Variants in ANKIB1 observed in about 807,000 individuals in gnomAD.
ANKIB1 encodes the protein ankyrin repeat and IBR domain containing 1, also known as ankyrin repeat and IBR domain-containing protein 1.
A neutral mutation model predicts 122.1 loss-of-function variants in ANKIB1; 43 were observed. That is an observed-to-expected ratio of 0.35 (90% CI 0.28 to 0.45). The LOEUF is 0.45. Among genes scored for constraint, ANKIB1 ranks in the 20% least tolerant of loss-of-function variants. ANKIB1 has a pLI of 1.00. For missense variants in ANKIB1, 992 were observed against 1,329.5 expected (o/e 0.75, Z 3.95); for synonymous variants, 390 against 442.0 (o/e 0.88, Z 1.48).
chr7:92,388,365 T>A (rs1345767686), intron 14 of ANKIB1, among the ~76,000 whole-genome samples: 1 of 152,222 alleles, frequency 6.6e-6, no homozygotes, highest in Non-Finnish European at 1.5e-5. Flanking sequence ...CATCACTGAC[T>A]TAGTCAGAGG....
At chr7:92,368,954 T>G (rs1381555590) in intron 10 of ANKIB1, among the ~76,000 whole-genome samples, 1 of 152,238 alleles carries the variant, frequency 6.6e-6, no homozygotes, top group East Asian at 1.9e-4. Context: ...TTTGTTTTAA[T>G]GGCTTTGTGC....
chr7:92,349,268 G>A (rs1489561357), intron 7 of ANKIB1, among the ~76,000 whole-genome samples: 4 of 152,280 alleles, frequency 2.6e-5, no homozygotes, highest in Non-Finnish European at 5.9e-5. Context: ...AGAAAGGAAA[G>A]AATGCTAAAG....
intron 10 of ANKIB1, among the ~76,000 whole-genome samples, chr7:92,369,441 T>C (rs1804181896): frequency 1.3e-5 from 2 of 152,206 alleles, no homozygotes; most frequent in Non-Finnish European, 1.5e-5. Context: ...TCTACTTCTG[T>C]GCTGCTAGGC....
intron 11 of ANKIB1, among the ~76,000 whole-genome samples, chr7:92,384,828 A>G (rs1482964577): frequency 1.3e-5 from 2 of 152,240 alleles, no homozygotes; most frequent in African/African-American, 4.8e-5. Context: ...AGGCATGGAC[A>G]AGGACTTCAT....
intron 1 of ANKIB1, among the ~76,000 whole-genome samples, chr7:92,272,977 T>C (rs1254452262): frequency 6.6e-6 from 1 of 152,086 alleles, no homozygotes; most frequent in African/African-American, 2.4e-5. Flanking sequence ...TTGAAACATA[T>C]CAAAACATAG....
At chr7:92,388,081 A>G (rs916242410) in intron 14 of ANKIB1, 40 bp downstream of exon 14, 17 of 1,505,066 alleles carry the variant, frequency 1.1e-5, no homozygotes, top group Non-Finnish European at 1.5e-5. Context: ...AATATAAAAT[A>G]TCTTTCCATG....
chr7:92,307,807 T>C (rs1413793993), intron 3 of ANKIB1, among the ~76,000 whole-genome samples, 151 bp downstream of exon 3: 31 of 120,628 alleles, frequency 2.6e-4, no homozygotes, highest in African/African-American at 9.9e-4. Flanking sequence ...ATAAAGGGCC[T>C]CTTTTTTTTT....
At chr7:92,384,093 T>C (rs1804580363) in intron 11 of ANKIB1, among the ~76,000 whole-genome samples, 1 of 152,022 alleles carries the variant, frequency 6.6e-6, no homozygotes. Context: ...TAAACACCAA[T>C]AACAGACAAA....
At chr7:92,295,244 A>C in intron 2 of ANKIB1, 78 bp downstream of exon 2, 1 of 1,123,440 alleles carries the variant, frequency 8.9e-7, no homozygotes, top group East Asian at 2.7e-5. Context: ...AAAAAAAGGA[A>C]CTATGATTTT....
chr7:92,369,972 C>T (rs1213129810), intron 10 of ANKIB1, among the ~76,000 whole-genome samples: 3 of 152,060 alleles, frequency 2.0e-5, no homozygotes, highest in Admixed American at 1.3e-4. Flanking sequence ...GATTGCAGAT[C>T]TCAAATTATA....
chr7:92,319,479 A>G lies in ANKIB1; in HGVS notation c.636A>G (p.Ile212Met). The G allele has an allele frequency of 6.2e-7, 1 of 1,612,622 alleles. No homozygotes were observed. The highest frequency in any genetic ancestry group is 8.5e-7 in the Non-Finnish European group (1 of 1,179,482). ...CACGGGATCCCGAGGCTGAAGAAAT[A>G]GAAGCTGAATATGCTGCATTAGACA... is the stretch of plus-strand genomic sequence containing the variant. ...VFSRDPEAEE[I>M]EAEYAALDKR... Residue 212 changes from isoleucine (I) to methionine (M), a missense_variant, in exon 4 of 20, where the codon ATA (isoleucine) becomes ATG (methionine). Around this residue, in one of 4 missense-constraint regions of ANKIB1, gnomAD observed 521 missense variants for 777.7 expected, o/e 0.67. Transcript: ENST00000265742.
intron 9 of ANKIB1, among the ~76,000 whole-genome samples, chr7:92,354,318 G>A (rs1040713006): frequency 6.6e-6 from 1 of 152,098 alleles, no homozygotes; most frequent in Non-Finnish European, 1.5e-5. Context: ...TTATACTCAA[G>A]ATGCATTGGA....
At position 92,343,192 on chromosome 7, in the gene ANKIB1, A is replaced by G. The variant is rs1411043163; in HGVS notation, c.956A>G (p.Asp319Gly). ...ACACGCTCTTCTGTCACCTCCCCAG[A>G]TGAAATCAGCTTATCTCCTGGGGAT... ...RTTRSSVTSPDEISLSPGDLD... is the reference protein window; with the variant it reads ...RTTRSSVTSPGEISLSPGDLD... The change falls in exon 6 of 20, where the codon GAT (aspartate) becomes GGT (glycine). Residue 319 changes from aspartate (D) to glycine (G), a missense_variant. Asp to Gly is a moderately conservative substitution (Grantham distance 94). Around this residue, in one of 4 missense-constraint regions of ANKIB1, gnomAD observed 521 missense variants for 777.7 expected, o/e 0.67. Transcript: ENST00000265742. 1 of 1,613,966 alleles carries G rather than the reference A, an allele frequency of 6.2e-7. No homozygotes were observed. The highest frequency in any genetic ancestry group is 8.5e-7 in the Non-Finnish European group (1 of 1,179,880).
At chr7:92,344,539 G>T (rs1803500736) in intron 6 of ANKIB1, among the ~76,000 whole-genome samples, 1 of 152,038 alleles carries the variant, frequency 6.6e-6, no homozygotes, top group Non-Finnish European at 1.5e-5. Flanking sequence ...TCTCTCCCTG[G>T]AAAGTGTGGA....
At chr7:92,375,360 A>G (rs568082108) in intron 11 of ANKIB1, among the ~76,000 whole-genome samples, 1 of 152,294 alleles carries the variant, frequency 6.6e-6, no homozygotes, top group Non-Finnish European at 1.5e-5. Context: ...AGAACTTTTA[A>G]AGTTAAAGTC....
chr7:92,393,354 A>G (rs568895863), intron 17 of ANKIB1, among the ~76,000 whole-genome samples: 140 of 152,226 alleles, frequency 9.2e-4, no homozygotes, highest in Non-Finnish European at 1.6e-3. Flanking sequence ...ATTGTGATAT[A>G]TTAATGAAAT....
At chr7:92,311,137 A>G (rs1206841070) in intron 3 of ANKIB1, among the ~76,000 whole-genome samples, 1 of 152,160 alleles carries the variant, frequency 6.6e-6, no homozygotes. Context: ...CATTTGTATA[A>G]TGCTTTCTGA....
In ANKIB1 at chr7:92,391,351, A is replaced by G; in HGVS notation, c.2231+7A>G. The G allele has an allele frequency of 6.2e-7, 1 of 1,609,702 alleles. No individual in the cohort carries two copies. The highest frequency in any genetic ancestry group is 8.5e-7 in the Non-Finnish European group (1 of 1,177,492). On this transcript the variant is annotated splice_region_variant and intron_variant, in intron 16 of 19. Coordinates refer to ENST00000265742, the MANE Select transcript of ANKIB1 (RefSeq NM_019004.2). Reference sequence around the variant, plus strand: ...CAGAAGCTCCAAGGCGCAGGTAAAAAGGACGTACACTGTGGAAATCATCCT... The same window carrying G: ...CAGAAGCTCCAAGGCGCAGGTAAAAGGGACGTACACTGTGGAAATCATCCT...
chr7:92,379,723 C>G (rs1804468249), intron 11 of ANKIB1, among the ~76,000 whole-genome samples: 1 of 152,172 alleles, frequency 6.6e-6, no homozygotes, highest in Non-Finnish European at 1.5e-5. Flanking sequence ...AGATAAATGC[C>G]AAATGACTCA....
Sources: gnomAD v4.1 joint callset for allele counts (sites outside exome capture counted in the v4.1 genomes callset) on GRCh38, gnomAD v4.1.1 for gene constraint, gnomAD v4.1.1 regional missense constraint, MANE v1.5 for transcripts, NCBI Gene and HGNC (gene_info 2026-07-23, HGNC 2026-07-21) for gene names.